CNTNAP4: variants seen among roughly 807,000 people sequenced by gnomAD.
The protein encoded by CNTNAP4 is contactin-associated protein-like 4.
CNTNAP4 carries 98 observed loss-of-function variants against 148.4 expected under a neutral mutation model. That is an observed-to-expected ratio of 0.66 (90% CI 0.56 to 0.78). The LOEUF (loss-of-function observed/expected upper bound fraction) is 0.78. Ranked by LOEUF, CNTNAP4 falls within the 30% of genes least tolerant of loss-of-function variation. CNTNAP4 has a pLI of 0.00. For synonymous variants in CNTNAP4, 730 were observed against 565.1 expected (o/e 1.29, Z -4.14); for missense variants, 1,935 against 1,565.6 (o/e 1.24, Z -3.98).
intron 13 of CNTNAP4, among the ~76,000 whole-genome samples, chr16:76,494,550 C>G (rs998219702): frequency 6.6e-6 from 1 of 152,034 alleles, no homozygotes; most frequent in Non-Finnish European, 1.5e-5. Flanking sequence ...ATGTTAATTA[C>G]TATGATTTAT....
chr16:76,282,404 G>A (rs923811774), intron 1 of CNTNAP4, among the ~76,000 whole-genome samples: 1 of 151,858 alleles, frequency 6.6e-6, no homozygotes, highest in Non-Finnish European at 1.5e-5. Flanking sequence ...AACTGTACAA[G>A]TAATTGCAAC....
intron 3 of CNTNAP4, among the ~76,000 whole-genome samples, chr16:76,403,191 CA>C (rs1410162294): frequency 1.3e-5 from 2 of 151,514 alleles, no homozygotes; most frequent in Admixed American, 1.3e-4. Context: ...CTTCCAGGTT[CA>C]CACCATTCTC....
intron 2 of CNTNAP4, among the ~76,000 whole-genome samples, chr16:76,333,792 T>TA (rs888805446): frequency 1.4e-5 from 2 of 147,864 alleles, no homozygotes; most frequent in African/African-American, 4.9e-5. Context: ...TTTTTTTTTT[T>TA]TTTTTTTTTT....
At chr16:76,502,477 G>C (rs564250263) in intron 15 of CNTNAP4, among the ~76,000 whole-genome samples, 23 of 151,870 alleles carry the variant, frequency 1.5e-4, no homozygotes, top group African/African-American at 4.6e-4. Flanking sequence ...AAAGCTGCAT[G>C]GACATTACTT....
intron 1 of CNTNAP4, among the ~76,000 whole-genome samples, chr16:76,310,157 C>T (rs1035858418): frequency 9.9e-5 from 15 of 151,906 alleles, no homozygotes; most frequent in Admixed American, 2.0e-4. Flanking sequence ...TTCAGTCTCT[C>T]GTTGGGCAGG....
At chr16:76,524,833 C>G (rs2083645342) in intron 17 of CNTNAP4, among the ~76,000 whole-genome samples, 1 of 151,908 alleles carries the variant, frequency 6.6e-6, no homozygotes, top group South Asian at 2.1e-4. Context: ...GATGAGGCAA[C>G]ATAAAGATTT....
chr16:76,403,314 C>T (rs943369861), intron 3 of CNTNAP4, among the ~76,000 whole-genome samples: 11 of 151,970 alleles, frequency 7.2e-5, no homozygotes, highest in African/African-American at 2.2e-4. Flanking sequence ...AGGATGGTCT[C>T]GATCTCCTGA....
At position 76,509,866 on chromosome 16, in the gene CNTNAP4, G is replaced by A. The variant is rs1331253373; in HGVS notation, c.2365+11172G>A. 5.0e-4 allele frequency among the ~76,000 whole-genome samples: 48 copies of A among 95,566 alleles called. 6 individuals carry two copies. Among genetic ancestry groups the A allele is most frequent in the African/African-American group, 1.2e-3 (47 of 38,396 alleles). 62.7% of individuals were successfully genotyped at this position (95,566 alleles called of 152,430 possible). On this transcript the variant is annotated intron_variant, in intron 15 of 23. Transcript: ENST00000611870. ...GTCTTTAGAAAGATTCTTGAGGGTT[G>A]CATTTTTTTGATTTTGTATGTGCTT...
intron 1 of CNTNAP4, chr16:76,287,553 A>G (rs1350269837): frequency 6.6e-6 from 1 of 152,218 alleles, no homozygotes; most frequent in African/African-American, 2.4e-5. Context: ...TCTCTAGAGA[A>G]GATGTCAGGA....
At chr16:76,398,130 A>C (rs1479904206) in intron 3 of CNTNAP4, among the ~76,000 whole-genome samples, 5 of 150,776 alleles carry the variant, frequency 3.3e-5, no homozygotes, top group Non-Finnish European at 1.5e-5. Flanking sequence ...GGAAGCATCC[A>C]GCGTGGCAGA....
chr16:76,353,910 A>G (rs575033378), intron 2 of CNTNAP4, among the ~76,000 whole-genome samples: 47 of 152,340 alleles, frequency 3.1e-4, no homozygotes, highest in African/African-American at 1.1e-3. Context: ...CTACCATAAC[A>G]GCAAACATTT....
intron 2 of CNTNAP4, among the ~76,000 whole-genome samples, chr16:76,336,117 G>A (rs1964001154): frequency 2.6e-5 from 4 of 152,036 alleles, no homozygotes; most frequent in Admixed American, 2.6e-4. Context: ...CTGTGAACTG[G>A]ACTGACTTCC....
At chr16:76,356,251 C>T (rs139807721) in intron 3 of CNTNAP4, among the ~76,000 whole-genome samples, 1 of 152,004 alleles carries the variant, frequency 6.6e-6, no homozygotes, top group South Asian at 2.1e-4. Flanking sequence ...TTTTGAAACC[C>T]TGTTTCTTTC....
chr16:76,496,828 G>T (rs1202833792), intron 14 of CNTNAP4, among the ~76,000 whole-genome samples: 1 of 152,128 alleles, frequency 6.6e-6, no homozygotes, highest in Non-Finnish European at 1.5e-5. Context: ...AAGAAATTAA[G>T]AGCAGTTATT....
Position 76,325,382 on chromosome 16 carries a change from G to C in CNTNAP4, c.196+8859G>C, listed in dbSNP as rs192742015. On this transcript the variant is annotated intron_variant, in intron 2 of 23. Coordinates refer to ENST00000611870, the MANE Select transcript of CNTNAP4 (RefSeq NM_033401.5). ...TACACATTCTTATTAAGTATACTTA[G>C]AATATTTACCTAAATTTATGCTGGA... 2.1e-3 allele frequency among the ~76,000 whole-genome samples: 324 copies of C among 152,074 alleles called. 2 individuals are homozygous for C. Among genetic ancestry groups the C allele is most frequent in the Admixed American group, 0.018 (272 of 15,276 alleles).
chr16:76,355,121 T>C (rs2012402752), intron 2 of CNTNAP4, among the ~76,000 whole-genome samples, 197 bp from the exon 3 acceptor site: 1 of 152,182 alleles, frequency 6.6e-6, no homozygotes, highest in Admixed American at 6.5e-5. Context: ...TAGAAATGAA[T>C]ACAATTAATT....
intron 21 of CNTNAP4, among the ~76,000 whole-genome samples, chr16:76,545,453 G>T (rs989506464): frequency 2.0e-5 from 3 of 152,166 alleles, no homozygotes; most frequent in Non-Finnish European, 2.9e-5. Flanking sequence ...TTGAGATTTT[G>T]TCATAAGCAC....
At chr16:76,387,837 G>A (rs2016640325) in intron 3 of CNTNAP4, among the ~76,000 whole-genome samples, 1 of 152,148 alleles carries the variant, frequency 6.6e-6, no homozygotes, top group African/African-American at 2.4e-5. Flanking sequence ...TATAGGCTGT[G>A]CTCAATAAAT....
intron 3 of CNTNAP4, among the ~76,000 whole-genome samples, chr16:76,390,211 C>T (rs2016856240): frequency 6.6e-6 from 1 of 152,170 alleles, no homozygotes; most frequent in Admixed American, 6.5e-5. Flanking sequence ...TGCTGGACTT[C>T]AGCAAGATGT....
Sources: gnomAD v4.1 joint callset for allele counts (sites outside exome capture counted in the v4.1 genomes callset) on GRCh38, gnomAD v4.1.1 for gene constraint, MANE v1.5 for transcripts, NCBI Gene and HGNC (gene_info 2026-07-23, HGNC 2026-07-21) for gene names.